Variants in MYO10 observed in about 807,000 individuals in gnomAD.
MYO10 encodes myosin X, also known as unconventional myosin-X.
In MYO10, 133 loss-of-function variants were observed where a neutral mutation model predicts 257.3. That is an observed-to-expected ratio of 0.52 (90% CI 0.45 to 0.60). MYO10 has a LOEUF of 0.60. Ranked by LOEUF, MYO10 falls within the 20% of genes least tolerant of loss-of-function variation. The pLI is 0.00. For synonymous variants in MYO10, 1,104 were observed against 1,028.6 expected (o/e 1.07, Z -1.40); for missense variants, 2,399 against 2,635.7 (o/e 0.91, Z 1.97).
chr5:16,925,442 C>T (rs181777369), intron 1 of MYO10, among the ~76,000 whole-genome samples: 2 of 152,126 alleles, frequency 1.3e-5, no homozygotes, highest in African/African-American at 4.8e-5. Context: ...CTGGGTTGCC[C>T]AGGCAACAGA....
intron 5 of MYO10, among the ~76,000 whole-genome samples, chr5:16,782,295 G>T (rs1430466420): frequency 6.6e-6 from 1 of 152,142 alleles, no homozygotes; most frequent in Non-Finnish European, 1.5e-5. Flanking sequence ...ACTTTTTCTG[G>T]AAAGGACCAG....
intron 1 of MYO10, among the ~76,000 whole-genome samples, chr5:16,896,728 GC>G (rs1041342206): frequency 6.6e-6 from 1 of 152,192 alleles, no homozygotes; most frequent in Non-Finnish European, 1.5e-5. Flanking sequence ...GATCTTAGCA[GC>G]CCCCCCAGGA....
intron 27 of MYO10, among the ~76,000 whole-genome samples, chr5:16,692,008 A>G (rs1339246256): frequency 6.6e-6 from 1 of 152,212 alleles, no homozygotes; most frequent in Non-Finnish European, 1.5e-5. Flanking sequence ...TATACATTAA[A>G]AGAGACTTGA....
At chr5:16,709,960 T>C (rs1330780533) in intron 21 of MYO10, among the ~76,000 whole-genome samples, 2 of 152,246 alleles carry the variant, frequency 1.3e-5, no homozygotes, top group Non-Finnish European at 2.9e-5. Context: ...GTACTTTTCA[T>C]CAATCTCACA....
At position 16,848,155 on chromosome 5, in the gene MYO10, C is replaced by CT. The variant is rs371042891; in HGVS notation, c.120+29453dup. On this transcript the variant is annotated intron_variant, in intron 2 of 40. Coordinates refer to ENST00000513610, the MANE Select transcript of MYO10 (RefSeq NM_012334.3). Reference sequence around the variant, plus strand: ...TGATTAAGCAAAGAACTACACATTTCTTTTTTTTTTTTTTTTTTGTGAGAG... The same window carrying CT: ...TGATTAAGCAAAGAACTACACATTTCTTTTTTTTTTTTTTTTTTTGTGAGAG... Among the ~76,000 whole-genome samples, 735 of 113,552 alleles carry CT rather than the reference C, an allele frequency of 6.5e-3. 12 individuals carry two copies. The highest frequency in any genetic ancestry group is 9.9e-3 in the Middle Eastern group (2 of 202). 74.5% of individuals were successfully genotyped at this position (113,552 alleles called of 152,430 possible).
chr5:16,893,284 A>AAATGACAT (rs1407025577), intron 1 of MYO10, among the ~76,000 whole-genome samples: 3 of 151,826 alleles, frequency 2.0e-5, no homozygotes, highest in Non-Finnish European at 4.4e-5. Context: ...AGAAACATTT[A>AAATGACAT]AATGACATAA....
At chr5:16,675,504 G>A (rs182637053) in intron 34 of MYO10, among the ~76,000 whole-genome samples, 17 of 152,276 alleles carry the variant, frequency 1.1e-4, no homozygotes, top group African/African-American at 2.9e-4. Flanking sequence ...TTGGGAGGCC[G>A]AGGCAGGTGG....
chr5:16,784,386 A>T (rs1741511849), intron 4 of MYO10, among the ~76,000 whole-genome samples: 2 of 152,196 alleles, frequency 1.3e-5, no homozygotes, highest in African/African-American at 4.8e-5. Flanking sequence ...CTGGAGGAAA[A>T]GCTCTAGAAG....
chr5:16,882,027 A>C (rs1399465042), intron 1 of MYO10, among the ~76,000 whole-genome samples: 1 of 152,226 alleles, frequency 6.6e-6, no homozygotes. Flanking sequence ...AACGTGGACA[A>C]GTTTGCATCT....
At chr5:16,917,829 T>C (rs1199232483) in intron 1 of MYO10, among the ~76,000 whole-genome samples, 1 of 152,134 alleles carries the variant, frequency 6.6e-6, no homozygotes, top group African/African-American at 2.4e-5. Flanking sequence ...GAGCTGTGAT[T>C]GCATCACTGC....
At chr5:16,696,822 C>T (rs1737766420) in intron 26 of MYO10, among the ~76,000 whole-genome samples, 1 of 146,648 alleles carries the variant, frequency 6.8e-6, no homozygotes, top group Non-Finnish European at 1.5e-5. Context: ...CACCACTGCA[C>T]TCCAGCCTGG....
At chr5:16,811,164 G>C (rs549229474) in intron 3 of MYO10, among the ~76,000 whole-genome samples, 2 of 152,218 alleles carry the variant, frequency 1.3e-5, no homozygotes, top group African/African-American at 2.4e-5. Flanking sequence ...GATGGTAAGT[G>C]GGGGGGGGAT....
chr5:16,805,314 T>G (rs1742238227), intron 3 of MYO10, among the ~76,000 whole-genome samples: 1 of 151,522 alleles, frequency 6.6e-6, no homozygotes, highest in Admixed American at 6.6e-5. Context: ...AATACAAAAT[T>G]AGCCAGGCGT....
intron 1 of MYO10, among the ~76,000 whole-genome samples, chr5:16,922,333 C>T (rs1746011778): frequency 1.3e-5 from 2 of 152,160 alleles, no homozygotes; most frequent in African/African-American, 4.8e-5. Flanking sequence ...TGGCCCTTAG[C>T]TCCAAGCCGC....
intron 2 of MYO10, among the ~76,000 whole-genome samples, chr5:16,848,155 C>CTTTTTTTTTTTTTTTTCTTTTTTT (rs1554002457): frequency 3.5e-5 from 4 of 113,562 alleles, no homozygotes; most frequent in South Asian, 2.8e-4. Flanking sequence ...CTACACATTT[C>CTTTTTTTTTTTTTTTTCTTTTTTT]TTTTTTTTTT....
rs766367670 is a variant in MYO10 at position 16,763,765 on chromosome 5, GA to G, written c.1327-11del. On this transcript the variant is annotated splice_polypyrimidine_tract_variant and intron_variant, in intron 12 of 40. Transcript: ENST00000513610. The stretch of plus-strand genomic sequence containing the variant: ...GTTCAAAGTGATTAACCTAAGGGGG[GA>G]AAGCATTCAATAAGTATCTTTAGTG... 1.7e-5 allele frequency: 26 copies of G among 1,485,724 alleles called. No homozygotes were observed. The South Asian group carries it at 2.4e-4, about 14-fold the overall frequency. The allele number at this position is 1,485,724 out of a possible 1,614,324, so 92.0% of individuals were successfully genotyped here.
At chr5:16,873,547 G>C (rs191199474) in intron 2 of MYO10, among the ~76,000 whole-genome samples, 20 of 152,326 alleles carry the variant, frequency 1.3e-4, no homozygotes, top group African/African-American at 4.8e-4. Flanking sequence ...GACTCTGTGT[G>C]GGGGTTCCAA....
rs548745006 is a variant in MYO10 at position 16,748,674 on chromosome 5, A to G, written c.1929+6154T>C. Among the ~76,000 whole-genome samples, 3 of 152,094 alleles carry G rather than the reference A, an allele frequency of 2.0e-5. No homozygotes were observed. The East Asian group carries it at 5.8e-4, about 29-fold the overall frequency. On this transcript the variant is annotated intron_variant, in intron 19 of 40. Transcript: ENST00000513610. Reference sequence around the variant, plus strand: ...AGCAGGCAGCACCTGGATTACATAAATATAAATCCCCGGGAGGAAATGTGC... The same window carrying G: ...AGCAGGCAGCACCTGGATTACATAAGTATAAATCCCCGGGAGGAAATGTGC...
chr5:16,914,010 T>C (rs1358786139), intron 1 of MYO10, among the ~76,000 whole-genome samples: 1 of 152,106 alleles, frequency 6.6e-6, no homozygotes, highest in African/African-American at 2.4e-5. Flanking sequence ...CCTGGGCTCC[T>C]CCCTGGAAAC....
Sources: allele counts gnomAD v4.1 joint callset (sites outside exome capture counted in the v4.1 genomes callset), GRCh38; gene constraint gnomAD v4.1.1; transcripts MANE v1.5; gene names NCBI Gene and HGNC (gene_info 2026-07-23, HGNC 2026-07-21).